The following CASQ2 variants were observed in gnomAD, a reference collection of about 807,000 sequenced individuals.
CASQ2 encodes calsequestrin 2.
CASQ2 carries 49 observed loss-of-function variants against 46.5 expected under a neutral mutation model. The ratio of observed to expected loss-of-function variants is 1.05; its 90% confidence interval spans 0.84 to 1.34. The LOEUF (loss-of-function observed/expected upper bound fraction) is 1.34. Among genes scored for constraint, CASQ2 ranks in the 40% most tolerant of loss-of-function variants. The pLI is 0.00. For missense variants in CASQ2, 486 were observed against 481.3 expected (o/e 1.01, Z -0.09); for synonymous variants, 174 against 168.5 (o/e 1.03, Z -0.25).
At chr1:115,718,415 G>A (rs889658990) in intron 7 of CASQ2, among the ~76,000 whole-genome samples, 1 of 152,202 alleles carries the variant, frequency 6.6e-6, no homozygotes, top group African/African-American at 2.4e-5. Flanking sequence ...ATATCCAAAT[G>A]GATGGCAGAC....
chr1:115,752,440 G>A (rs4839479), intron 1 of CASQ2, among the ~76,000 whole-genome samples: 141,684 of 152,292 alleles, frequency 0.93, 66,231 homozygotes, highest in South Asian at 0.98. Context: ...AAATAAAAGC[G>A]GTAGTTTCTT....
At chr1:115,726,780 A>G (rs1479704401) in intron 6 of CASQ2, among the ~76,000 whole-genome samples, 1 of 152,210 alleles carries the variant, frequency 6.6e-6, no homozygotes, top group Non-Finnish European at 1.5e-5. Flanking sequence ...TGAGGGATTT[A>G]TCAAACTCTG....
chr1:115,727,257 G>T, intron 5 of CASQ2, 135 bp from the exon 6 acceptor site: 1 of 694,980 alleles, frequency 1.4e-6, no homozygotes, highest in Non-Finnish European at 2.5e-6. Context: ...CTTCAATGTT[G>T]AAGTGACAGG....
At chr1:115,735,085 A>G (rs570027890) in intron 4 of CASQ2, among the ~76,000 whole-genome samples, 3 of 152,328 alleles carry the variant, frequency 2.0e-5, no homozygotes, top group Non-Finnish European at 4.4e-5. Context: ...CAATGACAAG[A>G]AAGTGTAAAG....
At chr1:115,739,756 C>T (rs1012300219) in intron 3 of CASQ2, among the ~76,000 whole-genome samples, 1 of 152,178 alleles carries the variant, frequency 6.6e-6, no homozygotes, top group African/African-American at 2.4e-5. Flanking sequence ...TGTCTGGATT[C>T]GATCAAGTCT....
chr1:115,702,109 G>A (rs1395600415), intron 10 of CASQ2, among the ~76,000 whole-genome samples: 1 of 151,972 alleles, frequency 6.6e-6, no homozygotes, highest in African/African-American at 2.4e-5. Flanking sequence ...TTTTAGTAGA[G>A]ATGGGGTTTC....
intron 1 of CASQ2, among the ~76,000 whole-genome samples, chr1:115,757,771 G>A (rs1042175811): frequency 6.6e-6 from 1 of 152,082 alleles, no homozygotes; most frequent in Non-Finnish European, 1.5e-5. Flanking sequence ...TAACGAACAG[G>A]TTCCTGAATC....
chr1:115,749,144 C>A (rs769804140), intron 1 of CASQ2, among the ~76,000 whole-genome samples: 5 of 152,200 alleles, frequency 3.3e-5, no homozygotes, highest in African/African-American at 7.2e-5. Flanking sequence ...CCTCTCTCTA[C>A]CTTTGGCATA....
At chr1:115,709,011 G>A (rs887192567) in intron 8 of CASQ2, among the ~76,000 whole-genome samples, 4 of 152,182 alleles carry the variant, frequency 2.6e-5, no homozygotes, top group Non-Finnish European at 5.9e-5. Flanking sequence ...TGCTTTTAAG[G>A]CATTAGCTTG....
At chr1:115,703,949 G>A (rs1468547160) in intron 9 of CASQ2, among the ~76,000 whole-genome samples, 2 of 151,256 alleles carry the variant, frequency 1.3e-5, no homozygotes, top group African/African-American at 4.9e-5. Context: ...CAGGAAAACT[G>A]CAAACCATCT....
chr1:115,732,415 A>T (rs777610664), intron 5 of CASQ2, among the ~76,000 whole-genome samples: 1 of 152,198 alleles, frequency 6.6e-6, no homozygotes, highest in Non-Finnish European at 1.5e-5. Flanking sequence ...AACTGAATGC[A>T]ATCTCATCCC....
chr1:115,727,518 A>G (rs1015313039), intron 5 of CASQ2, among the ~76,000 whole-genome samples: 1 of 152,236 alleles, frequency 6.6e-6, no homozygotes, highest in African/African-American at 2.4e-5. Flanking sequence ...CAATGTTGAT[A>G]AAACAGGCAA....
chr1:115,716,733 G>A (rs778236611), intron 8 of CASQ2, among the ~76,000 whole-genome samples: 5 of 152,124 alleles, frequency 3.3e-5, no homozygotes, highest in Admixed American at 2.0e-4. Flanking sequence ...CCACACCATC[G>A]GCAGCAATCG....
intron 3 of CASQ2, among the ~76,000 whole-genome samples, chr1:115,739,213 G>A (rs537662987): frequency 9.6e-5 from 14 of 146,004 alleles, no homozygotes; most frequent in East Asian, 6.3e-4. Flanking sequence ...CCAGGTTCAC[G>A]CCATTCTCCT....
intron 1 of CASQ2, among the ~76,000 whole-genome samples, chr1:115,745,895 T>C (rs1648370324): frequency 6.6e-6 from 1 of 152,182 alleles, no homozygotes; most frequent in South Asian, 2.1e-4. Context: ...AATTGGATAT[T>C]AACATTGATA....
chr1:115,732,774 C>T (rs1335226024), intron 5 of CASQ2, 127 bp downstream of exon 5: 2 of 727,608 alleles, frequency 2.7e-6, no homozygotes, highest in African/African-American at 1.7e-5. Flanking sequence ...AATTCTTAAC[C>T]CTTCTAGAGA....
intron 8 of CASQ2, among the ~76,000 whole-genome samples, chr1:115,715,326 T>C (rs567319631): frequency 1.3e-5 from 2 of 151,986 alleles, no homozygotes; most frequent in African/African-American, 4.8e-5. Flanking sequence ...GACAAGAGAG[T>C]GCTCAGATAA....
intron 2 of CASQ2, among the ~76,000 whole-genome samples, chr1:115,743,854 G>A (rs996926977): frequency 2.0e-5 from 3 of 151,866 alleles, no homozygotes; most frequent in Admixed American, 6.6e-5. Context: ...TCAGAGGAGC[G>A]GGCCGGGAGC....
intron 1 of CASQ2, among the ~76,000 whole-genome samples, chr1:115,756,871 C>T (rs546126292): frequency 3.3e-5 from 5 of 152,228 alleles, no homozygotes; most frequent in South Asian, 4.1e-4. Context: ...CGCTTGAACC[C>T]GGGAGGCAGA....
Sources: allele counts gnomAD v4.1 joint callset (sites outside exome capture counted in the v4.1 genomes callset), GRCh38; gene constraint gnomAD v4.1.1; transcripts MANE v1.5; gene names NCBI Gene and HGNC (gene_info 2026-07-23, HGNC 2026-07-21).